SRP19: variants seen among roughly 807,000 people sequenced by gnomAD.
The protein encoded by SRP19 is signal recognition particle 19.
Under a neutral mutation model 22.4 loss-of-function variants are expected in SRP19, and 11 were observed. The observed-to-expected ratio is 0.49, with a 90% CI of 0.31 to 0.81. The LOEUF (loss-of-function observed/expected upper bound fraction) is 0.81, where lower values mean the gene tolerates loss of function less well. Ranked by LOEUF, SRP19 falls within the 40% of genes least tolerant of loss-of-function variation. The pLI, the probability that SRP19 is intolerant of heterozygous loss-of-function variation, is 0.05. For synonymous variants in SRP19, 61 were observed against 57.6 expected, an observed-to-expected ratio of 1.06 and a Z score of -0.27; for missense variants, 168 against 175.9, an observed-to-expected ratio of 0.96 and a Z score of 0.25.
chr5:112,884,666 T>A (rs1768179514), intron 4 of SRP19, among the ~76,000 whole-genome samples: 1 of 152,054 alleles, frequency 6.6e-6, no homozygotes. Context: ...GATTACAGGC[T>A]GAGTCACTGT....
Position 112,864,517 on chromosome 5 carries a change from G to T in SRP19, c.178G>T (p.Val60Leu). The change falls in exon 3 of 5, where the codon GTA becomes TTA. Residue 60 changes from valine (V) to leucine (L), a missense_variant. Coordinates refer to ENST00000505459, the MANE Select transcript of SRP19 (RefSeq NM_003135.3). Reference protein sequence around the residue: ...QDVCSAVGLNVFLEKNKMYSR... With the variant: ...QDVCSAVGLNLFLEKNKMYSR... ...TGTATGTTCAGCAGTTGGACTTAAC[G>T]TATTTCTTGAGGTATGACGTGGTTC... 2 of 1,614,010 alleles carry T rather than the reference G, an allele frequency of 1.2e-6. No homozygotes were observed. Among genetic ancestry groups the T allele is most frequent in the Non-Finnish European group, 1.7e-6 (2 of 1,179,932 alleles).
chr5:112,884,222 G>A (rs1768162219), intron 4 of SRP19, among the ~76,000 whole-genome samples: 1 of 152,044 alleles, frequency 6.6e-6, no homozygotes, highest in Admixed American at 6.6e-5. Context: ...TGGCCTATAA[G>A]GCATTATGTG....
At chr5:112,862,402 C>G (rs1767436318) in intron 1 of SRP19, 106 bp from the exon 2 acceptor site, 2 of 909,662 alleles carry the variant, frequency 2.2e-6, no homozygotes, top group Non-Finnish European at 3.6e-6. Flanking sequence ...GAGTACCCAT[C>G]TGATATCTAG....
At chr5:112,889,271 A>G (rs1384646759) in intron 4 of SRP19, among the ~76,000 whole-genome samples, 1 of 150,870 alleles carries the variant, frequency 6.6e-6, no homozygotes, top group Non-Finnish European at 1.5e-5. Flanking sequence ...ATAGGACTAA[A>G]TTTTTTATAA....
At chr5:112,882,410 G>A (rs1580728421) in intron 4 of SRP19, among the ~76,000 whole-genome samples, 1 of 152,126 alleles carries the variant, frequency 6.6e-6, no homozygotes, top group African/African-American at 2.4e-5. Context: ...AAATTCCATT[G>A]TCAAGCATTA....
chr5:112,865,424 A>T (rs1287207233), intron 4 of SRP19, among the ~76,000 whole-genome samples: 1 of 152,154 alleles, frequency 6.6e-6, no homozygotes, highest in African/African-American at 2.4e-5. Flanking sequence ...GAATATTAGG[A>T]AGATAAGTTT....
downstream of SRP19, among the ~76,000 whole-genome samples, chr5:112,870,020 T>C (rs79735802): frequency 0.066 from 10,103 of 152,250 alleles, 402 homozygotes; most frequent in South Asian, 0.14. Context: ...TATAATAATA[T>C]ACTATAATAA....
downstream of SRP19, among the ~76,000 whole-genome samples, chr5:112,871,539 T>C (rs2150029376): frequency 6.6e-6 from 1 of 152,112 alleles, no homozygotes; most frequent in South Asian, 2.1e-4. Context: ...GGCAGATGAC[T>C]TGCAGTCAGG....
chr5:112,880,260 G>A (rs1201194862), intron 4 of SRP19, among the ~76,000 whole-genome samples: 1 of 152,136 alleles, frequency 6.6e-6, no homozygotes, highest in Non-Finnish European at 1.5e-5. Context: ...AGAAAAAAAA[G>A]AAAAATATAT....
downstream of SRP19, among the ~76,000 whole-genome samples, chr5:112,872,073 G>A (rs1299125392): frequency 1.3e-5 from 2 of 152,278 alleles, no homozygotes; most frequent in Admixed American, 6.5e-5. Flanking sequence ...AGAGGATTTA[G>A]TTTTTCTTCT....
chr5:112,869,869 G>GT (rs1196841285), downstream of SRP19: 1 of 152,314 alleles, frequency 6.6e-6, no homozygotes, highest in African/African-American at 2.4e-5. Flanking sequence ...ATGCGGAACT[G>GT]TGAGTCAGTT....
chr5:112,896,928 CAAAA>C (rs1212490241), downstream of SRP19: 1 of 151,876 alleles, frequency 6.6e-6, no homozygotes, highest in African/African-American at 2.4e-5. Flanking sequence ...GACTCCGTCT[CAAAA>C]AAAGTAAAGT....
chr5:112,894,720 T>C (rs1386356950), downstream of SRP19: 2 of 152,224 alleles, frequency 1.3e-5, no homozygotes, highest in Non-Finnish European at 2.9e-5. Context: ...ATATAGGTAT[T>C]TTGCTGTATT....
chr5:112,875,369 T>C (rs937266325), intron 4 of SRP19, among the ~76,000 whole-genome samples: 1 of 109,096 alleles, frequency 9.2e-6, no homozygotes, highest in African/African-American at 2.7e-5. Context: ...GTTTTTGTTT[T>C]TGGTTTTTTT....
intron 4 of SRP19, among the ~76,000 whole-genome samples, chr5:112,879,264 C>T (rs973796538): frequency 2.6e-4 from 34 of 130,882 alleles, no homozygotes. Context: ...CCCATGGCGA[C>T]AAATCAGAGA....
chr5:112,872,857 G>A (rs1353744999), downstream of SRP19, among the ~76,000 whole-genome samples: 1 of 152,078 alleles, frequency 6.6e-6, no homozygotes, highest in African/African-American at 2.4e-5. Flanking sequence ...GTGCAAGAGA[G>A]GTAAATGTTC....
chr5:112,877,265 T>A (rs1767926112), intron 4 of SRP19: 1 of 152,216 alleles, frequency 6.6e-6, no homozygotes, highest in Non-Finnish European at 1.5e-5. Flanking sequence ...TGTTATGATC[T>A]TACCTGATTG....
At chr5:112,891,975 A>T in exon 5 of SRP19, 1 of 1,238,918 alleles carries the variant, frequency 8.1e-7, no homozygotes, top group Non-Finnish European at 1.2e-6. Flanking sequence ...AGAGAAAGTT[A>T]AAGGAACAAT....
rs1281822436 is a variant in SRP19 at position 112,862,599 on chromosome 5, G to A, written c.117+16G>A. On this transcript the variant is annotated intron_variant, in intron 2 of 4. Transcript: ENST00000505459. The stretch of plus-strand genomic sequence containing the variant: ...CATAAGTAAGGTAAGCAAGATGGCT[G>A]GCACCTTGATCCTCGAGGGAATGGG... 1 of 1,611,460 alleles carries A rather than the reference G, an allele frequency of 6.2e-7. No homozygotes were observed. The highest frequency in any genetic ancestry group is 1.3e-5 in the African/African-American group (1 of 74,870).
Sources: gnomAD v4.1 joint callset for allele counts (sites outside exome capture counted in the v4.1 genomes callset) on GRCh38, gnomAD v4.1.1 for gene constraint, MANE v1.5 for transcripts, NCBI Gene and HGNC (gene_info 2026-07-23, HGNC 2026-07-21) for gene names.